GAREM1: variants seen among roughly 807,000 people sequenced by gnomAD.
GAREM1 encodes the protein GRB2 associated regulator of MAPK1 subtype 1.
GAREM1 carries 26 observed loss-of-function variants against 71.3 expected under a neutral mutation model. That is an observed-to-expected ratio of 0.36 (90% CI 0.27 to 0.51). The LOEUF (loss-of-function observed/expected upper bound fraction) is 0.51. Among genes scored for constraint, GAREM1 ranks in the 20% least tolerant of loss-of-function variants. GAREM1 has a pLI of 0.95. For synonymous variants in GAREM1, 440 were observed against 433.2 expected, an observed-to-expected ratio of 1.02 and a Z score of -0.20; for missense variants, 1,026 against 1,103.1, an observed-to-expected ratio of 0.93 and a Z score of 0.99.
intron 1 of GAREM1, among the ~76,000 whole-genome samples, chr18:32,441,153 A>G (rs1250237343): frequency 6.6e-6 from 1 of 152,252 alleles, no homozygotes; most frequent in African/African-American, 2.4e-5. Context: ...AGAGGGAAAC[A>G]GTCCACCTGA....
At chr18:32,373,935 T>C (rs1432035606) in intron 2 of GAREM1, among the ~76,000 whole-genome samples, 3 of 152,352 alleles carry the variant, frequency 2.0e-5, no homozygotes, top group African/African-American at 7.2e-5. Flanking sequence ...TAGTGTTCAT[T>C]AATGATGACA....
Position 32,470,500 on chromosome 18 carries a change from G to A in GAREM1, c.-72C>T, listed in dbSNP as rs1337640099. 11 of 1,100,886 alleles carry A rather than the reference G, an allele frequency of 1.0e-5. No homozygotes were observed. The East Asian group carries it at 4.3e-4, about 43-fold the overall frequency. 68.2% of individuals were successfully genotyped at this position (1,100,886 alleles called of 1,614,324 possible). On this transcript the variant is annotated 5_prime_UTR_variant, in exon 1 of 6. Coordinates refer to ENST00000269209, the MANE Select transcript of GAREM1 (RefSeq NM_001242409.2). This position sits in a 1 kb window ranked among gnomAD's most constrained non-coding sequence, Gnocchi z 4.4. Reference sequence around the variant, plus strand: ...CACCACCCGCGCCTCGGCGGCCGCCGCTGCTCGCGCTCGCGGTCTGGGGCG... The same window carrying A: ...CACCACCCGCGCCTCGGCGGCCGCCACTGCTCGCGCTCGCGGTCTGGGGCG...
At chr18:32,410,270 G>A (rs971711299) in intron 1 of GAREM1, among the ~76,000 whole-genome samples, 1 of 152,202 alleles carries the variant, frequency 6.6e-6, no homozygotes, top group Non-Finnish European at 1.5e-5. Flanking sequence ...CCTGGTAGGT[G>A]AGACACAGTG....
chr18:32,283,781 T>C (rs1268690480), intron 4 of GAREM1, among the ~76,000 whole-genome samples: 3 of 152,188 alleles, frequency 2.0e-5, no homozygotes, highest in Non-Finnish European at 2.9e-5. Flanking sequence ...CTGTTTAAGA[T>C]ACAAACAGAA....
chr18:32,468,964 C>G (rs1417821506), intron 1 of GAREM1, among the ~76,000 whole-genome samples: 1 of 129,734 alleles, frequency 7.7e-6, no homozygotes, highest in Non-Finnish European at 1.7e-5. Flanking sequence ...TGTGCGTCCC[C>G]CCCCCCCGCC....
chr18:32,451,477 A>G (rs1429787933), intron 1 of GAREM1, among the ~76,000 whole-genome samples: 1 of 152,184 alleles, frequency 6.6e-6, no homozygotes, highest in Non-Finnish European at 1.5e-5. Context: ...TGATAAGGGC[A>G]TTAGTACCCA....
At position 32,399,086 on chromosome 18, in the gene GAREM1, C is replaced by G. The variant is rs530888339; in HGVS notation, c.122-6051G>C. On this transcript the variant is annotated intron_variant, in intron 1 of 5. Transcript: ENST00000269209. ...GACAAAAACCACATGGTTATCTCAA[C>G]AGATGCAGAAAAGGCCTTGGACAAA... 1.4e-3 allele frequency among the ~76,000 whole-genome samples: 211 copies of G among 152,276 alleles called. 2 individuals carry two copies. The highest frequency in any genetic ancestry group is 1.0e-3 in the Non-Finnish European group (70 of 68,024).
intron 1 of GAREM1, among the ~76,000 whole-genome samples, chr18:32,400,362 A>G (rs963464656): frequency 2.6e-5 from 4 of 152,224 alleles, no homozygotes; most frequent in Non-Finnish European, 5.9e-5. Context: ...ACAGCAAAAG[A>G]AACTACCATC....
chr18:32,421,282 C>A (rs1300255842), intron 1 of GAREM1, among the ~76,000 whole-genome samples: 3 of 152,142 alleles, frequency 2.0e-5, no homozygotes, highest in Admixed American at 2.0e-4. Context: ...ACACAGTAAG[C>A]ACTCAACAAA....
intron 2 of GAREM1, among the ~76,000 whole-genome samples, chr18:32,391,324 C>T (rs534828206): frequency 3.3e-4 from 50 of 152,270 alleles, no homozygotes; most frequent in Middle Eastern, 3.4e-3. Context: ...TAGACCAGAA[C>T]CAGCCTCTGG....
chr18:32,424,538 T>C (rs1279415975), intron 1 of GAREM1, among the ~76,000 whole-genome samples: 1 of 152,196 alleles, frequency 6.6e-6, no homozygotes, highest in Non-Finnish European at 1.5e-5. Flanking sequence ...TAAATCAATT[T>C]ACCAGGGTCT....
At position 32,268,739 on chromosome 18, in the gene GAREM1, G is replaced by A; in HGVS notation, c.1763C>T (p.Ser588Phe). The A allele has an allele frequency of 6.2e-7, 1 of 1,614,020 alleles. No individual in the cohort carries two copies. The highest frequency in any genetic ancestry group is 8.5e-7 in the Non-Finnish European group (1 of 1,179,902). Residue 588 changes from serine to phenylalanine, a missense_variant, in exon 6 of 6, where the codon TCT becomes TTT. By Grantham distance (155) the Ser-to-Phe change is radical. Around this residue, in one of 3 missense-constraint regions of GAREM1, gnomAD observed 636 missense variants for 631.2 expected, o/e 1.01. Transcript: ENST00000269209. Reference sequence around the variant, plus strand: ...ATAGCAGGAAACAGGAGTGCTTTCAGAAGGATTTGTGTCAGTTTTAGTGAC... The same window carrying A: ...ATAGCAGGAAACAGGAGTGCTTTCAAAAGGATTTGTGTCAGTTTTAGTGAC... ...ISVTKTDTNP[S>F]ESTPVSCYPC...
chr18:32,356,770 C>T (rs893916556), intron 2 of GAREM1, among the ~76,000 whole-genome samples: 1 of 152,140 alleles, frequency 6.6e-6, no homozygotes, highest in African/African-American at 2.4e-5. Flanking sequence ...GGATTCAAAT[C>T]CACCTTAATC....
intron 1 of GAREM1, among the ~76,000 whole-genome samples, chr18:32,433,788 T>C (rs1022670819): frequency 7.2e-5 from 11 of 152,010 alleles, no homozygotes; most frequent in African/African-American, 2.4e-5. Flanking sequence ...TTGAGAGAAA[T>C]CAAAAGAAGA....
At chr18:32,313,641 A>T (rs1292560975) in intron 2 of GAREM1, among the ~76,000 whole-genome samples, 1 of 152,168 alleles carries the variant, frequency 6.6e-6, no homozygotes, top group Non-Finnish European at 1.5e-5. Context: ...GTAACTGACA[A>T]CGATGGGGTA....
At chr18:32,463,366 G>GA (rs1236876929) in intron 1 of GAREM1, among the ~76,000 whole-genome samples, 2 of 151,052 alleles carry the variant, frequency 1.3e-5, no homozygotes, top group Admixed American at 6.6e-5. Flanking sequence ...CATCTTACTT[G>GA]AAAAAAAAGA....
chr18:32,324,059 G>A (rs2047453362), intron 2 of GAREM1, among the ~76,000 whole-genome samples: 1 of 152,090 alleles, frequency 6.6e-6, no homozygotes, highest in Admixed American at 6.6e-5. Flanking sequence ...GGAAGACCAC[G>A]CCAACACAGA....
rs2041401327 is a variant in GAREM1, at chr18:32,268,126, G to A, written c.2376C>T (p.Ala792=). Residue 792 remains alanine, a synonymous_variant, in exon 6 of 6, where the codon GCC becomes GCT. Coordinates refer to ENST00000269209, the MANE Select transcript of GAREM1 (RefSeq NM_001242409.2). ...PFSSPLHLQL[A]PRSCGDGSPW... is the part of the protein sequence containing the mutation. ...GGGAACCGTCGCCACAGGATCTGGG[G>A]GCCAGCTGGAGATGGAGCGGAGATG... The A allele has an allele frequency of 1.2e-6, 2 of 1,613,974 alleles. No homozygotes were observed. Among genetic ancestry groups the A allele is most frequent in the African/African-American group, 1.3e-5 (1 of 74,902 alleles).
chr18:32,453,303 G>A lies in GAREM1; in HGVS notation c.121+17005C>T, dbSNP rs554572866. Among the ~76,000 whole-genome samples, 23 of 152,216 alleles carry A rather than the reference G, an allele frequency of 1.5e-4. 1 individual carries two copies. In the South Asian group the frequency reaches 4.6e-3, roughly 30 times the overall value. ...CCCATAACATGTGGGAATTAGGAGA[G>A]CTACAATTCAAGATGAGATTTGGGC... On this transcript the variant is annotated intron_variant, in intron 1 of 5. Coordinates refer to ENST00000269209, the MANE Select transcript of GAREM1 (RefSeq NM_001242409.2).
Sources: gnomAD v4.1 joint callset for allele counts (sites outside exome capture counted in the v4.1 genomes callset) on GRCh38, gnomAD v4.1.1 for gene constraint, gnomAD v4.1.1 regional missense constraint, Gnocchi (gnomAD v3.1) non-coding constraint, MANE v1.5 for transcripts, NCBI Gene and HGNC (gene_info 2026-07-23, HGNC 2026-07-21) for gene names.